The following C10orf90 variants were observed in gnomAD, a reference collection of about 807,000 sequenced individuals.
The protein encoded by C10orf90 is chromosome 10 open reading frame 90.
Under a neutral mutation model 62.5 loss-of-function variants are expected in C10orf90, and 56 were observed. That is an observed-to-expected ratio of 0.90 (90% CI 0.72 to 1.12). C10orf90 has a LOEUF of 1.12. Ranked by LOEUF, C10orf90 falls within the 50% of genes most tolerant of loss-of-function variation. The pLI, the probability that C10orf90 is intolerant of heterozygous loss-of-function variation, is 0.00. For missense variants in C10orf90, 970 were observed against 880.4 expected (o/e 1.10, Z -1.29); for synonymous variants, 386 against 340.4 (o/e 1.13, Z -1.47).
chr10:126,505,100 A>C lies in C10orf90; in HGVS notation c.406-15T>G. 3.8e-6 allele frequency: 6 copies of C among 1,591,162 alleles called. No individual in the cohort carries two copies. Among genetic ancestry groups the C allele is most frequent in the Non-Finnish European group, 5.1e-6 (6 of 1,169,382 alleles). On this transcript the variant is annotated splice_polypyrimidine_tract_variant and intron_variant, in intron 3 of 9. Coordinates refer to ENST00000488181, the MANE Select transcript of C10orf90 (RefSeq NM_001350921.2). Reference sequence around the variant, plus strand: ...GCCAGGGTCTCCTGCAAATAGAAAAAGATCCCGATTATTCAAGCAGTCTAT... The same window carrying C: ...GCCAGGGTCTCCTGCAAATAGAAAACGATCCCGATTATTCAAGCAGTCTAT...
intron 2 of C10orf90, among the ~76,000 whole-genome samples, chr10:126,573,615 C>A (rs781338016): frequency 6.6e-5 from 10 of 152,110 alleles, no homozygotes; most frequent in African/African-American, 1.2e-4. Context: ...CCTTCCACAG[C>A]CCCCACACTT....
At chr10:126,558,377 T>A (rs1449014922) in intron 2 of C10orf90, among the ~76,000 whole-genome samples, 2 of 152,172 alleles carry the variant, frequency 1.3e-5, no homozygotes, top group Non-Finnish European at 2.9e-5. Flanking sequence ...AAGCATGACA[T>A]ACAAGACTCT....
chr10:126,667,128 G>C lies in C10orf90; in HGVS notation c.240+3113C>G, dbSNP rs961079274. On this transcript the variant is annotated intron_variant, in intron 1 of 9. Transcript: ENST00000488181. ...GGCTGGAGTGCAGTGGCACAATCTC[G>C]GCTCATTGCAAGCTCTGCCTCCCAG... is the stretch of plus-strand genomic sequence containing the variant. 4.6e-5 allele frequency among the ~76,000 whole-genome samples: 7 copies of C among 151,582 alleles called. No individual in the cohort carries two copies. The South Asian group carries it at 8.3e-4, about 18-fold the overall frequency.
chr10:126,590,567 T>C (rs960520394), intron 2 of C10orf90, among the ~76,000 whole-genome samples: 1 of 152,118 alleles, frequency 6.6e-6, no homozygotes. Flanking sequence ...GGAAATTCAA[T>C]AGCGTGCTCC....
At position 126,532,477 on chromosome 10, in the gene C10orf90, A is replaced by G. The variant is rs1045373031; in HGVS notation, c.314-18538T>C. On this transcript the variant is annotated intron_variant, in intron 2 of 9. Transcript: ENST00000488181. ...CTGAGCTTTGGCCAGTGGGTTTTAC[A>G]GAGTTTAATCAAAGTGGCATCACTC... is the stretch of plus-strand genomic sequence containing the variant. Among the ~76,000 whole-genome samples, 3 of 151,988 alleles carry G rather than the reference A, an allele frequency of 2.0e-5. No homozygotes were observed. The East Asian group carries it at 5.8e-4, about 30-fold the overall frequency.
intron 2 of C10orf90, among the ~76,000 whole-genome samples, chr10:126,576,694 T>A (rs879269654): frequency 2.9e-5 from 1 of 34,932 alleles, no homozygotes; most frequent in Non-Finnish European, 5.7e-5. Flanking sequence ...CATATACATG[T>A]ATATGTATAT....
In C10orf90 at chr10:126,461,562, C is replaced by G; in HGVS notation, c.1849G>C (p.Val617Leu). The change falls in exon 6 of 10, where the codon GTT (valine) becomes CTT (leucine). Residue 617 changes from valine to leucine, a missense_variant. Val to Leu is a conservative substitution (Grantham distance 32). Coordinates refer to ENST00000488181, the MANE Select transcript of C10orf90 (RefSeq NM_001350921.2). ...TTCTTACATTCCTTTATTTTTACAA[C>G]CAAGTCACAGCATGTGTAATCTCCT... ...PKGDYTCCDL[V>L]VKIKECKKSE... 1 of 1,613,880 alleles carries G rather than the reference C, an allele frequency of 6.2e-7. No individual in the cohort carries two copies. The highest frequency in any genetic ancestry group is 1.1e-5 in the South Asian group (1 of 91,030).
chr10:126,488,955 T>C (rs1861575676), intron 4 of C10orf90, among the ~76,000 whole-genome samples: 1 of 151,954 alleles, frequency 6.6e-6, no homozygotes, highest in Non-Finnish European at 1.5e-5. Context: ...TACCAAACAC[T>C]TACAGAAGAA....
chr10:126,507,582 C>T (rs1862828107), intron 3 of C10orf90, among the ~76,000 whole-genome samples: 1 of 151,780 alleles, frequency 6.6e-6, no homozygotes, highest in Non-Finnish European at 1.5e-5. Flanking sequence ...CAGCGGCTAC[C>T]TCACACTTCC....
chr10:126,627,191 G>A (rs1226008727), intron 2 of C10orf90, among the ~76,000 whole-genome samples: 1 of 151,884 alleles, frequency 6.6e-6, no homozygotes, highest in Admixed American at 6.6e-5. Flanking sequence ...AACAAAGATG[G>A]GATTTCTCCA....
chr10:126,498,096 G>A lies in C10orf90; in HGVS notation c.1534+5861C>T, dbSNP rs535604723. 8.5e-5 allele frequency among the ~76,000 whole-genome samples: 13 copies of A among 152,352 alleles called. No individual in the cohort carries two copies. In the South Asian group the frequency reaches 1.4e-3, roughly 17 times the overall value. On this transcript the variant is annotated intron_variant, in intron 4 of 9. Transcript: ENST00000488181. ...AACCATGCACCCAATTCATTAGGAA[G>A]AACTGGGTAGTTGTGGTGTGAATGT...
chr10:126,540,133 C>T (rs1374765407), intron 2 of C10orf90, among the ~76,000 whole-genome samples: 1 of 152,046 alleles, frequency 6.6e-6, no homozygotes, highest in Non-Finnish European at 1.5e-5. Flanking sequence ...AATTATAAGA[C>T]CTGCAGGAAG....
chr10:126,605,912 CATTT>C lies in C10orf90; in HGVS notation c.313+40649_313+40652del, dbSNP rs1315468531. Among the ~76,000 whole-genome samples, 3 of 152,036 alleles carry C rather than the reference CATTT, an allele frequency of 2.0e-5. No homozygotes were observed. In the Middle Eastern group the frequency reaches 0.01, roughly 517 times the overall value. ...ACATACATACATACATACATACATA[CATTT>C]GATTGCAGCACTAAAAAAAGAAAAG... On this transcript the variant is annotated intron_variant, in intron 2 of 9. Coordinates refer to ENST00000488181, the MANE Select transcript of C10orf90 (RefSeq NM_001350921.2).
At position 126,459,139 on chromosome 10, in the gene C10orf90, G is replaced by T. The variant is rs779971538; in HGVS notation, c.2089C>A (p.Gln697Lys). Reference protein sequence around the residue: ...RLKKLEHMVQQRKAQRKEDLR... With the variant: ...RLKKLEHMVQKRKAQRKEDLR... ...TCCTCCTTCCGCTGGGCTTTCCTCT[G>T]CTGGACCATGTGTTCAAGCTTCTTC... Residue 697 changes from glutamine to lysine, a missense_variant, in exon 7 of 10, where the codon CAG becomes AAG. Transcript: ENST00000488181. 76 of 1,614,058 alleles carry T rather than the reference G, an allele frequency of 4.7e-5. 1 individual carries two copies. In the South Asian group the frequency reaches 7.2e-4, roughly 15 times the overall value.
intron 1 of C10orf90, among the ~76,000 whole-genome samples, chr10:126,657,772 C>T (rs1846426579): frequency 6.6e-6 from 1 of 151,984 alleles, no homozygotes; most frequent in Non-Finnish European, 1.5e-5. Context: ...TGTGCCATCA[C>T]ACCTGGCTAA....
intron 7 of C10orf90, among the ~76,000 whole-genome samples, chr10:126,432,115 G>T (rs774415322): frequency 6.2e-4 from 94 of 152,176 alleles, no homozygotes; most frequent in Non-Finnish European, 1.1e-3. Context: ...CTGATAAATA[G>T]CAGGGTCTTT....
At position 126,529,822 on chromosome 10, in the gene C10orf90, C is replaced by A. The variant is rs77506460; in HGVS notation, c.314-15883G>T. Reference sequence around the variant, plus strand: ...CCTGGTCAACAGAAAGATGAAAATACCTAACATCTAGCAATTCTGCTCTTA... The same window carrying A: ...CCTGGTCAACAGAAAGATGAAAATAACTAACATCTAGCAATTCTGCTCTTA... On this transcript the variant is annotated intron_variant, in intron 2 of 9. Transcript: ENST00000488181. Among the ~76,000 whole-genome samples the A allele has an allele frequency of 3.3e-5, 5 of 152,138 alleles. No homozygotes were observed. The East Asian group carries it at 9.6e-4, about 29-fold the overall frequency.
chr10:126,528,096 T>G (rs1201741715), intron 2 of C10orf90, among the ~76,000 whole-genome samples: 1 of 152,170 alleles, frequency 6.6e-6, no homozygotes, highest in Non-Finnish European at 1.5e-5. Context: ...AAGCATTAGC[T>G]TCACTAATTA....
At chr10:126,595,221 C>G (rs972405931) in intron 2 of C10orf90, among the ~76,000 whole-genome samples, 21 of 152,154 alleles carry the variant, frequency 1.4e-4, no homozygotes, top group African/African-American at 4.8e-4. Context: ...TTTGGAAACC[C>G]AAGCAGATCA....
Sources: gnomAD v4.1 joint callset for allele counts (sites outside exome capture counted in the v4.1 genomes callset) on GRCh38, gnomAD v4.1.1 for gene constraint, MANE v1.5 for transcripts, NCBI Gene and HGNC (gene_info 2026-07-23, HGNC 2026-07-21) for gene names.